Variants in LRWD1 observed in about 807,000 individuals in gnomAD.
LRWD1 encodes the protein leucine-rich repeat and WD repeat-containing protein 1.
In LRWD1, 76 loss-of-function variants were observed where a neutral mutation model predicts 75.6. The ratio of observed to expected loss-of-function variants is 1.01; its 90% CI spans 0.84 to 1.22. The LOEUF (loss-of-function observed/expected upper bound fraction) is 1.22, where lower values mean the gene tolerates loss of function less well. Among genes scored for constraint, LRWD1 ranks in the 50% most tolerant of loss-of-function variants. The pLI is 0.00. For missense variants in LRWD1, 917 were observed against 862.0 expected (o/e 1.06, Z -0.80); for synonymous variants, 487 against 377.0 (o/e 1.29, Z -3.38).
At chr7:102,466,728 A>T (rs1797989741) in intron 3 of LRWD1, among the ~76,000 whole-genome samples, 1 of 142,254 alleles carries the variant, frequency 7.0e-6, no homozygotes, top group African/African-American at 2.7e-5. Context: ...TGACTCTTCT[A>T]AGTAGCTTTT....
intron 11 of LRWD1, chr7:102,471,889 C>T (rs1463896352): frequency 6.7e-6 from 2 of 300,220 alleles, no homozygotes; most frequent in Admixed American, 9.0e-5. Flanking sequence ...TACTTGGCTG[C>T]CAGGAGGCCC....
Position 102,466,213 on chromosome 7 carries a change from G to A in LRWD1, c.375G>A (p.Lys125=). The stretch of plus-strand genomic sequence containing the variant: ...CCACGCTCCGTAAGGTCAATGGCAA[G>A]GATGCGTCCTCAACTTACTCTCAGG... ...LLPTLRKVNG[K]DASSTYSQVE... is the part of the protein sequence containing the mutation. The change falls in exon 3 of 15, where the codon AAG becomes AAA. Residue 125 remains lysine (K), a synonymous_variant. Coordinates refer to ENST00000292616, the MANE Select transcript of LRWD1 (RefSeq NM_152892.3). 2 of 1,614,188 alleles carry A rather than the reference G, an allele frequency of 1.2e-6. No individual in the cohort carries two copies. Among genetic ancestry groups the A allele is most frequent in the Non-Finnish European group, 1.7e-6 (2 of 1,180,038 alleles).
rs1266459293 is a variant in LRWD1, at chr7:102,465,836, C to T, written c.100C>T (p.Leu34Phe). ...RSLDLSGLEL[L>F]SEHLDPKLLC... is the part of the protein sequence containing the mutation. ...CTCCAGCCTGTCAGGATTGGAGCTG[C>T]TTTCCGAGCACCTGGACCCCAAACT... Residue 34 changes from leucine (L) to phenylalanine (F), a missense_variant, in exon 2 of 15, where the codon CTT becomes TTT. By Grantham distance (22) the Leu-to-Phe change is conservative (BLOSUM62 0). Coordinates refer to ENST00000292616, the MANE Select transcript of LRWD1 (RefSeq NM_152892.3). The T allele has an allele frequency of 6.2e-7, 1 of 1,613,220 alleles. No homozygotes were observed. Among genetic ancestry groups the T allele is most frequent in the East Asian group, 2.2e-5 (1 of 44,866 alleles).
At chr7:102,469,707 G>C (rs770568084) in intron 10 of LRWD1, 35 bp from the exon 11 acceptor site, 45 of 1,613,144 alleles carry the variant, frequency 2.8e-5, no homozygotes, top group Non-Finnish European at 3.4e-5. Flanking sequence ...CCTCGGTCTG[G>C]GTCTGATGCT....
chr7:102,472,668 CAG>C, intron 13 of LRWD1, 22 bp from the exon 14 acceptor site: 1 of 1,612,962 alleles, frequency 6.2e-7, no homozygotes, highest in South Asian at 1.1e-5. Flanking sequence ...TGCCCCCACT[CAG>C]ACTCCACCTC....
Position 102,472,729 on chromosome 7 carries a change from C to G in LRWD1, c.1728C>G (p.Asn576Lys), listed in dbSNP as rs1798246471. 1.9e-6 allele frequency: 3 copies of G among 1,613,426 alleles called. No homozygotes were observed. Among genetic ancestry groups the G allele is most frequent in the African/African-American group, 1.3e-5 (1 of 74,944 alleles). ...GIVLCGDEEG[N>K]VWLYDVSNIL... ...TGCTCTGTGGGGATGAGGAGGGCAACGTGTGGCTCTACGACGTCAGCAACA... is the reference window on the plus strand; with the variant it reads ...TGCTCTGTGGGGATGAGGAGGGCAAGGTGTGGCTCTACGACGTCAGCAACA... Residue 576 changes from asparagine (N) to lysine (K), a missense_variant, in exon 14 of 15, where the codon AAC (asparagine) becomes AAG (lysine). Coordinates refer to ENST00000292616, the MANE Select transcript of LRWD1 (RefSeq NM_152892.3).
rs373947079 is a variant in LRWD1, at chr7:102,466,112, C to T, written c.316-42C>T. On this transcript the variant is annotated intron_variant, in intron 2 of 14. Coordinates refer to ENST00000292616, the MANE Select transcript of LRWD1 (RefSeq NM_152892.3). The stretch of plus-strand genomic sequence containing the variant: ...GCCAGGACTCTGTTGGGCTCAGGCT[C>T]AGCATCTCCTGAGCCACTGCTCTTC... The T allele has an allele frequency of 5.0e-6, 8 of 1,610,926 alleles. No homozygotes were observed. The African/African-American group carries it at 8.0e-5, about 16-fold the overall frequency.
chr7:102,468,389 C>CG lies in LRWD1; in HGVS notation c.919+15dup, dbSNP rs1554579785. On this transcript the variant is annotated intron_variant, in intron 7 of 14. Transcript: ENST00000292616. ...GGCCTGGGAGGAGGGTACATGGTGG[C>CG]GGGCAGGCGGGGCAAGGGCCGCTGG... 1.9e-6 allele frequency: 3 copies of CG among 1,591,056 alleles called. No homozygotes were observed. Among genetic ancestry groups the CG allele is most frequent in the Non-Finnish European group, 2.6e-6 (3 of 1,169,220 alleles).
chr7:102,466,327 G>C, intron 3 of LRWD1, 57 bp downstream of exon 3: 1 of 1,395,246 alleles, frequency 7.2e-7, no homozygotes, highest in South Asian at 1.2e-5. Context: ...TTGGGAGAAT[G>C]ATAGAATTGG....
Position 102,472,815 on chromosome 7 carries a change from G to A in LRWD1, c.1803+11G>A. On this transcript the variant is annotated intron_variant, in intron 14 of 14. Transcript: ENST00000292616. The stretch of plus-strand genomic sequence containing the variant: ...CAGGCCCCCACACAGGTACTGCCCG[G>A]CTCACCCTGCCCAGGCTTGGGCTGG... The A allele has an allele frequency of 6.2e-7, 1 of 1,613,052 alleles. No homozygotes were observed.
rs781450486 is a variant in LRWD1, at chr7:102,468,294, T to C, written c.836T>C (p.Leu279Pro). The C allele has an allele frequency of 3.6e-5, 58 of 1,612,028 alleles. No individual in the cohort carries two copies. Among genetic ancestry groups the C allele is most frequent in the Non-Finnish European group, 3.8e-5 (45 of 1,179,390 alleles). Residue 279 changes from leucine (L) to proline (P), a missense_variant, in exon 7 of 15, where the codon CTG becomes CCG. Physicochemically the swap from Leu to Pro is moderately conservative, Grantham distance 98. Transcript: ENST00000292616. ...GTGAAGCTGGAGCCCCTGCACTTCC[T>C]GCAGTGCCACAGCAAGAACAACAGC... ...PAVKLEPLHF[L>P]QCHSKNNSPQ...
intron 14 of LRWD1, 49 bp downstream of exon 14, chr7:102,472,853 G>A (rs375684673): frequency 1.2e-6 from 2 of 1,611,498 alleles, no homozygotes; most frequent in Admixed American, 1.7e-5. Context: ...AGGCATCAGG[G>A]GCCCTGCCTT....
chr7:102,472,382 T>A (rs996792887), intron 12 of LRWD1, 72 bp from the exon 13 acceptor site: 1 of 1,551,044 alleles, frequency 6.4e-7, no homozygotes, highest in Non-Finnish European at 8.7e-7. Flanking sequence ...TGGGCTAGGC[T>A]TCTGAGGATC....
chr7:102,468,063 C>T lies in LRWD1; in HGVS notation c.680C>T (p.Ala227Val). ...ATGGTCACAAGGCCCCCTCCACAGG[C>T]CAGACTGGCGGCCTTGAAACGGCCA... Reference protein sequence around the residue: ...PEAGAAHKPRARLAALKRPDD... With the variant: ...PEAGAAHKPRVRLAALKRPDD... Residue 227 changes from alanine to valine, a missense_variant and splice_region_variant, in exon 6 of 15, where the codon GCC becomes GTC. Physicochemically the swap from Ala to Val is moderately conservative, Grantham distance 64. Transcript: ENST00000292616. 6.2e-7 allele frequency: 1 copy of T among 1,607,710 alleles called. No individual in the cohort carries two copies. The highest frequency in any genetic ancestry group is 8.5e-7 in the Non-Finnish European group (1 of 1,179,468).
chr7:102,465,731 T>G (rs891908755), intron 1 of LRWD1, 86 bp from the exon 2 acceptor site: 1 of 951,830 alleles, frequency 1.1e-6, no homozygotes, highest in South Asian at 1.4e-5. Flanking sequence ...AAATGTCAGG[T>G]GAAAAAGCCT....
At position 102,472,983 on chromosome 7, in the gene LRWD1, T is replaced by A; in HGVS notation, c.1878T>A (p.Asn626Lys). 6.2e-7 allele frequency: 1 copy of A among 1,613,624 alleles called. No individual in the cohort carries two copies. Among genetic ancestry groups the A allele is most frequent in the Non-Finnish European group, 8.5e-7 (1 of 1,179,802 alleles). Residue 626 changes from asparagine (N) to lysine (K), a missense_variant, in exon 15 of 15, where the codon AAT (asparagine) becomes AAA (lysine). Transcript: ENST00000292616. Reference protein sequence around the residue: ...TKTMVNTVVANASFTYLTALT... With the variant: ...TKTMVNTVVAKASFTYLTALT... ...CCATGGTGAACACAGTGGTGGCCAA[T>A]GCCTCCTTCACCTACCTCACCGCCC...
chr7:102,466,495 A>G (rs1359668088), intron 3 of LRWD1, among the ~76,000 whole-genome samples: 5 of 152,034 alleles, frequency 3.3e-5, no homozygotes, highest in Non-Finnish European at 5.9e-5. Flanking sequence ...GCTCATTGCA[A>G]CCTCTGCCTC....
Position 102,467,751 on chromosome 7 carries a change from C to T in LRWD1, c.606C>T (p.Ala202=), listed in dbSNP as rs780792847. 89 of 1,551,734 alleles carry T rather than the reference C, an allele frequency of 5.7e-5. No individual in the cohort carries two copies. Among genetic ancestry groups the T allele is most frequent in the Non-Finnish European group, 7.0e-5 (80 of 1,147,216 alleles). The change falls in exon 5 of 15, where the codon GCC becomes GCT. Residue 202 remains alanine (A), a synonymous_variant. Coordinates refer to ENST00000292616, the MANE Select transcript of LRWD1 (RefSeq NM_152892.3). ...TGATCTCTGAGGAGCTGGTGGCCGC[C>T]AGTAGGACCCAGGTGCAAAAGGCTA... The part of the protein sequence containing the change: ...VRMISEELVA[A]SRTQVQKANS...
At chr7:102,467,171 G>GTGTGTGTGTTT (rs1554579596) in intron 3 of LRWD1, among the ~76,000 whole-genome samples, 168 bp from the exon 4 acceptor site, 2 of 99,146 alleles carry the variant, frequency 2.0e-5, no homozygotes, top group South Asian at 3.4e-4. Context: ...GTGTGTGTGG[G>GTGTGTGTGTTT]GTGTGTGTGT....
Sources: allele counts gnomAD v4.1 joint callset (sites outside exome capture counted in the v4.1 genomes callset), GRCh38; gene constraint gnomAD v4.1.1; transcripts MANE v1.5; gene names NCBI Gene and HGNC (gene_info 2026-07-23, HGNC 2026-07-21).